The following NGEF variants were observed in gnomAD, a reference collection of about 807,000 sequenced individuals.
NGEF encodes ephexin-1.
In NGEF, 31 loss-of-function variants were observed where a neutral mutation model predicts 80.9. The ratio of observed to expected loss-of-function variants is 0.38; its 90% CI spans 0.29 to 0.52. The LOEUF (loss-of-function observed/expected upper bound fraction) is 0.52, where lower values mean the gene tolerates loss of function less well. Among genes scored for constraint, NGEF ranks in the 20% least tolerant of loss-of-function variants. The pLI, the probability that NGEF is intolerant of heterozygous loss-of-function variation, is 0.84. For synonymous variants in NGEF, 371 were observed against 370.2 expected, an observed-to-expected ratio of 1.00 and a Z score of -0.03; for missense variants, 709 against 926.2, an observed-to-expected ratio of 0.77 and a Z score of 3.04.
chr2:232,885,474 G>A, intron 9 of NGEF, 105 bp from the exon 10 acceptor site: 1 of 884,258 alleles, frequency 1.1e-6, no homozygotes. Context: ...ACCGTGACCA[G>A]ACACTGTGCC....
At chr2:232,957,747 G>A (rs769114646) in intron 3 of NGEF, among the ~76,000 whole-genome samples, 1 of 152,340 alleles carries the variant, frequency 6.6e-6, no homozygotes, top group Admixed American at 6.5e-5. Context: ...TCTGGGTGTG[G>A]GCCTCTGCCC....
chr2:232,927,521 A>G (rs1036904002), intron 3 of NGEF, among the ~76,000 whole-genome samples: 4 of 151,986 alleles, frequency 2.6e-5, no homozygotes, highest in African/African-American at 9.7e-5. Context: ...TCCCGCGGCC[A>G]GGAAGCCACT....
chr2:232,987,674 A>G lies in NGEF; in HGVS notation c.-74-12710T>C, dbSNP rs1257957775. Among the ~76,000 whole-genome samples, 2 of 152,276 alleles carry G rather than the reference A, an allele frequency of 1.3e-5. 1 individual carries two copies. The highest frequency in any genetic ancestry group is 1.3e-4 in the Admixed American group (2 of 15,300). The stretch of plus-strand genomic sequence containing the variant: ...AGGGTTATGGTGCTGAGATATGGGA[A>G]TACGCTGCCCATGGGAATGGAGCTG... On this transcript the variant is annotated intron_variant, in intron 1 of 14. Coordinates refer to ENST00000264051, the MANE Select transcript of NGEF (RefSeq NM_019850.3).
At chr2:232,893,545 G>A (rs369214231) in intron 6 of NGEF, among the ~76,000 whole-genome samples, 2 of 152,110 alleles carry the variant, frequency 1.3e-5, no homozygotes, top group Non-Finnish European at 2.9e-5. Context: ...AGGCCGAGGC[G>A]GGCGGATCAC....
intron 1 of NGEF, among the ~76,000 whole-genome samples, chr2:232,986,518 A>G (rs1211747873): frequency 6.6e-6 from 1 of 152,266 alleles, no homozygotes; most frequent in Non-Finnish European, 1.5e-5. Flanking sequence ...AATATCATTC[A>G]GCCATAAAAA....
chr2:232,952,722 C>T (rs1275919931), intron 3 of NGEF, among the ~76,000 whole-genome samples: 1 of 151,938 alleles, frequency 6.6e-6, no homozygotes, highest in Admixed American at 6.6e-5. Context: ...AATCCCAGCA[C>T]TTTGGAAGGC....
At chr2:232,914,790 G>C (rs759930443) in intron 5 of NGEF, among the ~76,000 whole-genome samples, 3 of 151,968 alleles carry the variant, frequency 2.0e-5, no homozygotes, top group African/African-American at 4.8e-5. Context: ...AGGCTGAGGT[G>C]GGTGGATCAC....
intron 4 of NGEF, among the ~76,000 whole-genome samples, chr2:232,924,901 TAC>T (rs1408879370): frequency 1.3e-5 from 2 of 152,228 alleles, no homozygotes; most frequent in Admixed American, 1.3e-4. Flanking sequence ...GTTACTGTGT[TAC>T]ACAGTTACCT....
chr2:232,885,200 A>G (rs1201178583), intron 10 of NGEF, 80 bp downstream of exon 10: 1 of 1,318,158 alleles, frequency 7.6e-7, no homozygotes, highest in Non-Finnish European at 1.1e-6. Context: ...AAGGCCAGCC[A>G]GGCGCGGTGA....
intron 6 of NGEF, among the ~76,000 whole-genome samples, chr2:232,894,426 G>A (rs1559195871): frequency 1.3e-5 from 2 of 152,132 alleles, no homozygotes; most frequent in African/African-American, 4.8e-5. Context: ...GACCTGCCTG[G>A]TTTAAACCTG....
At chr2:232,917,397 C>T (rs1011246544) in intron 5 of NGEF, among the ~76,000 whole-genome samples, 1 of 152,034 alleles carries the variant, frequency 6.6e-6, no homozygotes. Flanking sequence ...ATGGGCTGGA[C>T]ACATTTGCAT....
At chr2:232,959,956 A>G (rs1193342245) in intron 3 of NGEF, among the ~76,000 whole-genome samples, 1 of 152,238 alleles carries the variant, frequency 6.6e-6, no homozygotes, top group African/African-American at 2.4e-5. Flanking sequence ...AACCAGCTAC[A>G]GCAGAGCTGT....
chr2:232,898,499 G>C (rs1435125915), intron 5 of NGEF, among the ~76,000 whole-genome samples: 1 of 152,218 alleles, frequency 6.6e-6, no homozygotes, highest in South Asian at 2.1e-4. Flanking sequence ...AACGTCACCT[G>C]TGAATTTTAG....
At chr2:232,991,085 CA>C (rs1170956629) in intron 1 of NGEF, among the ~76,000 whole-genome samples, 2 of 151,998 alleles carry the variant, frequency 1.3e-5, no homozygotes, top group Non-Finnish European at 2.9e-5. Flanking sequence ...AAAATTTTCT[CA>C]AACCTGATGA....
chr2:232,952,599 G>A (rs749356909), intron 3 of NGEF, among the ~76,000 whole-genome samples: 3 of 152,128 alleles, frequency 2.0e-5, no homozygotes, highest in Non-Finnish European at 2.9e-5. Context: ...ATTTCTACAT[G>A]GAAGTGTTAT....
At chr2:232,922,506 A>T (rs1289098285) in intron 4 of NGEF, among the ~76,000 whole-genome samples, 1 of 152,218 alleles carries the variant, frequency 6.6e-6, no homozygotes, top group Non-Finnish European at 1.5e-5. Flanking sequence ...TAAAAAAGAA[A>T]ATCCAACTCT....
chr2:232,964,472 G>A (rs1462952442), intron 3 of NGEF, among the ~76,000 whole-genome samples: 1 of 152,148 alleles, frequency 6.6e-6, no homozygotes, highest in Non-Finnish European at 1.5e-5. Flanking sequence ...GCAGGCAGAT[G>A]CCTTGAGGTC....
chr2:232,883,529 A>G, intron 11 of NGEF, 63 bp from the exon 12 acceptor site: 1 of 1,441,348 alleles, frequency 6.9e-7, no homozygotes, highest in Non-Finnish European at 9.2e-7. Flanking sequence ...GTCCCAGGAG[A>G]GCCCCACTTG....
Position 232,893,060 on chromosome 2 carries a change from G to T in NGEF, c.990-10C>A, listed in dbSNP as rs368837771. On this transcript the variant is annotated splice_polypyrimidine_tract_variant and intron_variant, in intron 6 of 14. Coordinates refer to ENST00000264051, the MANE Select transcript of NGEF (RefSeq NM_019850.3). The stretch of plus-strand genomic sequence containing the variant: ...CAGCTCCAGGAGGAACCTACGAGAG[G>T]CAGCGGCTTGAGGCGGAGGGTGCCC... 6.2e-7 allele frequency: 1 copy of T among 1,608,706 alleles called. No individual in the cohort carries two copies.
Sources: gnomAD v4.1 joint callset for allele counts (sites outside exome capture counted in the v4.1 genomes callset) on GRCh38, gnomAD v4.1.1 for gene constraint, MANE v1.5 for transcripts, NCBI Gene and HGNC (gene_info 2026-07-23, HGNC 2026-07-21) for gene names.